Variants in DENND11 observed in about 807,000 individuals in gnomAD.
DENND11 encodes DENN domain-containing protein 11.
In DENND11, 34 loss-of-function variants were observed where a neutral mutation model predicts 49.2. That is an observed-to-expected ratio of 0.69 (90% CI 0.53 to 0.92). DENND11 has a LOEUF of 0.92. DENND11 is among the 40% of genes least tolerant of loss of function. DENND11 has a pLI of 0.00. For synonymous variants in DENND11, 238 were observed against 230.3 expected (o/e 1.03, Z -0.30); for missense variants, 475 against 581.6 (o/e 0.82, Z 1.88).
In DENND11 at chr7:141,665,330, G is replaced by C. The variant is rs192616706; in HGVS notation, c.821-12C>G. 6.2e-7 allele frequency: 1 copy of C among 1,613,700 alleles called. No homozygotes were observed. Among genetic ancestry groups the C allele is most frequent in the Non-Finnish European group, 8.5e-7 (1 of 1,179,830 alleles). ...GCAGCAGCAGTACACTGTGGGGATA[G>C]AGGAGGTGAGCGGGGAGGGTCTGCC... is the stretch of plus-strand genomic sequence containing the variant. On this transcript the variant is annotated splice_polypyrimidine_tract_variant and intron_variant, in intron 5 of 8. Transcript: ENST00000536163.
intron 3 of DENND11, among the ~76,000 whole-genome samples, chr7:141,675,212 C>G (rs544555140): frequency 3.9e-5 from 6 of 152,142 alleles, no homozygotes; most frequent in African/African-American, 1.2e-4. Flanking sequence ...TGGGATGATG[C>G]ATCTACAAGC....
intron 1 of DENND11, among the ~76,000 whole-genome samples, chr7:141,696,875 C>T (rs1193794491): frequency 6.6e-6 from 1 of 151,834 alleles, no homozygotes; most frequent in African/African-American, 2.4e-5. Context: ...TGGTTTGAAA[C>T]AGTCTTAAAA....
rs889408880 is a variant in DENND11 at position 141,702,067 on chromosome 7, C to CGCCTGCGGCTGCGGG, written c.72_86dup (p.Pro25_Ala29dup). 4 of 988,594 alleles carry CGCCTGCGGCTGCGGG rather than the reference C, an allele frequency of 4.0e-6. No individual in the cohort carries two copies. The highest frequency in any genetic ancestry group is 3.5e-5 in the African/African-American group (2 of 56,776). 61.2% of individuals were successfully genotyped at this position (988,594 alleles called of 1,614,324 possible). ...CGCCGCCGCCCCGGCCCCAGCCTCC[C>CGCCTGCGGCTGCGGG]GCCTGCGGCTGCGGGGCCTGCGGCA... On this transcript the variant is annotated inframe_insertion, in exon 1 of 9. Transcript: ENST00000536163.
rs1209444876 is a variant in DENND11, at chr7:141,674,218, T to C, written c.530A>G (p.His177Arg). ...GTAATGTCCTGGCATCTCCAACTGG[T>C]GCCTGCAGAAAAACACACACACACA... ...YMHFLENQVR[H>R]QLEMPGHYSH... Residue 177 changes from histidine (H) to arginine (R), a missense_variant and splice_region_variant, in exon 4 of 9, where the codon CAC becomes CGC. By Grantham distance (29) the His-to-Arg change is conservative (BLOSUM62 0). Transcript: ENST00000536163. 5 of 1,534,702 alleles carry C rather than the reference T, an allele frequency of 3.3e-6. No homozygotes were observed. The highest frequency in any genetic ancestry group is 4.4e-6 in the Non-Finnish European group (5 of 1,142,918).
chr7:141,668,211 G>A (rs1797924815), intron 4 of DENND11, among the ~76,000 whole-genome samples: 2 of 152,192 alleles, frequency 1.3e-5, no homozygotes, highest in Non-Finnish European at 2.9e-5. Context: ...GCATGGTGGA[G>A]CAAACTGGAG....
intron 1 of DENND11, among the ~76,000 whole-genome samples, chr7:141,698,837 C>T (rs1798456362): frequency 6.6e-6 from 1 of 152,100 alleles, no homozygotes; most frequent in South Asian, 2.1e-4. Context: ...TTCACTCTCC[C>T]TCTCTCTCAG....
intron 4 of DENND11, among the ~76,000 whole-genome samples, chr7:141,672,643 T>C (rs1331877623): frequency 6.6e-6 from 1 of 152,230 alleles, no homozygotes; most frequent in Non-Finnish European, 1.5e-5. Flanking sequence ...GATTGTGACA[T>C]AGAGAATCTG....
At chr7:141,693,108 C>T (rs1187987614) in intron 1 of DENND11, among the ~76,000 whole-genome samples, 3 of 152,116 alleles carry the variant, frequency 2.0e-5, no homozygotes, top group African/African-American at 7.2e-5. Context: ...TTGCAAAACA[C>T]ATATCTGATA....
At chr7:141,663,752 C>T (rs771461716) in intron 8 of DENND11, 1 of 158,614 alleles carries the variant, frequency 6.3e-6, no homozygotes, top group Non-Finnish European at 1.4e-5. Flanking sequence ...GGCTTCTGCA[C>T]CTACGGGGCA....
chr7:141,666,613 A>G (rs1384276132), intron 4 of DENND11, among the ~76,000 whole-genome samples, 188 bp from the exon 5 acceptor site: 1 of 152,210 alleles, frequency 6.6e-6, no homozygotes, highest in Non-Finnish European at 1.5e-5. Flanking sequence ...CTGGATTTCT[A>G]TAATACAACA....
chr7:141,677,525 A>T (rs1255968343), intron 3 of DENND11, among the ~76,000 whole-genome samples: 1 of 145,014 alleles, frequency 6.9e-6, no homozygotes, highest in African/African-American at 2.5e-5. Flanking sequence ...ATATATGTAT[A>T]TATATATATA....
At chr7:141,665,113 G>A (rs1797872661) in intron 6 of DENND11, 59 bp from the exon 7 acceptor site, 20 of 1,609,170 alleles carry the variant, frequency 1.2e-5, no homozygotes, top group South Asian at 6.6e-5. Context: ...GAAACAAGGC[G>A]CCCAGGAGCC....
intron 1 of DENND11, among the ~76,000 whole-genome samples, chr7:141,701,255 C>CCCAT (rs1584730927): frequency 1.3e-5 from 2 of 152,152 alleles, no homozygotes; most frequent in East Asian, 3.9e-4. Flanking sequence ...ATCCCTCAGC[C>CCCAT]CCATCCCTTA....
Position 141,659,100 on chromosome 7 carries a change from C to G in DENND11, c.*3556G>C, listed in dbSNP as rs1797746625. 1 of 152,186 alleles carries G rather than the reference C, an allele frequency of 6.6e-6. No homozygotes were observed. Among genetic ancestry groups the G allele is most frequent in the Non-Finnish European group, 1.5e-5 (1 of 68,018 alleles). The allele number at this position is 152,186 out of a possible 1,614,324, so 9.4% of individuals were successfully genotyped here. On this transcript the variant is annotated 3_prime_UTR_variant, in exon 9 of 9. Coordinates refer to ENST00000536163, the MANE Select transcript of DENND11 (RefSeq NM_001080392.2). ...TTCTTGTCTTGACTTTAAAGTGGAA[C>G]AAAACAAGGTAAGTTATAGATGCAA...
Position 141,657,441 on chromosome 7 carries a change from A to C in DENND11, c.*5215T>G, listed in dbSNP as rs1408480211. 1 of 152,222 alleles carries C rather than the reference A, an allele frequency of 6.6e-6. No individual in the cohort carries two copies. Among genetic ancestry groups the C allele is most frequent in the Non-Finnish European group, 1.5e-5 (1 of 68,042 alleles). 9.4% of individuals were successfully genotyped at this position (152,222 alleles called of 1,614,324 possible). A position where few individuals can be genotyped will look rare whatever the true frequency, so the allele number is the denominator to read the frequency against. On this transcript the variant is annotated 3_prime_UTR_variant, in exon 9 of 9. Transcript: ENST00000536163. ...TATCTTTCTTTAGTTTACCCAAAGGAAGGAGTTTTCACTCTAATGTCAATA... is the reference window on the plus strand; with the variant it reads ...TATCTTTCTTTAGTTTACCCAAAGGCAGGAGTTTTCACTCTAATGTCAATA...
At chr7:141,700,338 CA>C (rs1329622948) in intron 1 of DENND11, among the ~76,000 whole-genome samples, 2 of 151,336 alleles carry the variant, frequency 1.3e-5, no homozygotes, top group African/African-American at 4.9e-5. Flanking sequence ...TAACTTTGGT[CA>C]AAAAAGACCA....
chr7:141,680,678 C>T (rs1416081108), intron 3 of DENND11, among the ~76,000 whole-genome samples: 1 of 151,652 alleles, frequency 6.6e-6, no homozygotes, highest in East Asian at 2.0e-4. Flanking sequence ...GAACACAGCA[C>T]CTCTGCTCAC....
At chr7:141,666,655 G>A (rs1562995484) in intron 4 of DENND11, among the ~76,000 whole-genome samples, 1 of 152,060 alleles carries the variant, frequency 6.6e-6, no homozygotes. Flanking sequence ...TGAGTTGAGT[G>A]ATCATTATTT....
chr7:141,689,997 G>A (rs1036607061), intron 1 of DENND11, among the ~76,000 whole-genome samples: 6 of 152,204 alleles, frequency 3.9e-5, no homozygotes, highest in African/African-American at 9.7e-5. Flanking sequence ...CTGAAATAGC[G>A]TAAAGTGGCA....
Sources: gnomAD v4.1 joint callset for allele counts (sites outside exome capture counted in the v4.1 genomes callset) on GRCh38, gnomAD v4.1.1 for gene constraint, MANE v1.5 for transcripts, NCBI Gene and HGNC (gene_info 2026-07-23, HGNC 2026-07-21) for gene names.